NRXN3: variants seen among roughly 807,000 people sequenced by gnomAD.
The protein encoded by NRXN3 is neurexin III.
A neutral mutation model predicts 137.6 loss-of-function variants in NRXN3; 32 were observed. The ratio of observed to expected loss-of-function variants is 0.23; its 90% CI spans 0.18 to 0.31. The LOEUF (loss-of-function observed/expected upper bound fraction) is 0.31, where lower values mean the gene tolerates loss of function less well. Among genes scored for constraint, NRXN3 ranks in the 10% least tolerant of loss-of-function variants. The pLI is 1.00. For synonymous variants in NRXN3, 798 were observed against 784.5 expected (o/e 1.02, Z -0.29); for missense variants, 1,574 against 2,062.5 (o/e 0.76, Z 4.59).
chr14:79,188,212 C>T (rs11159401), intron 15 of NRXN3, among the ~76,000 whole-genome samples: 5,438 of 152,052 alleles, frequency 0.036, 235 homozygotes, highest in East Asian at 0.21. Flanking sequence ...GAGAGGAAAC[C>T]TTTATTGCAA....
chr14:79,027,214 A>G (rs914685988), intron 15 of NRXN3, among the ~76,000 whole-genome samples: 28 of 151,796 alleles, frequency 1.8e-4, no homozygotes, highest in African/African-American at 5.8e-4. Flanking sequence ...AAGGAAAAGC[A>G]ACACCCTACC....
At position 78,298,429 on chromosome 14, in the gene NRXN3, A is replaced by G. The variant is rs573353989; in HGVS notation, c.757+569A>G. Among the ~76,000 whole-genome samples the G allele has an allele frequency of 2.0e-5, 3 of 152,358 alleles. 1 individual carries two copies. Among genetic ancestry groups the G allele is most frequent in the Non-Finnish European group, 4.4e-5 (3 of 68,028 alleles). ...AAGAACATGCTAATGTCCTCATGGCAGAATACTAACTCATTATACACCCTG... is the reference window on the plus strand; with the variant it reads ...AAGAACATGCTAATGTCCTCATGGCGGAATACTAACTCATTATACACCCTG... On this transcript the variant is annotated intron_variant, in intron 4 of 20. Coordinates refer to ENST00000335750, the MANE Select transcript of NRXN3 (RefSeq NM_001330195.2).
chr14:79,709,464 C>G (rs2098794734), intron 19 of NRXN3, among the ~76,000 whole-genome samples: 1 of 152,126 alleles, frequency 6.6e-6, no homozygotes, highest in African/African-American at 2.4e-5. Context: ...CTGCATACCC[C>G]CAAGGCAGAT....
chr14:79,728,154 T>TG (rs2098903189), intron 19 of NRXN3, among the ~76,000 whole-genome samples: 1 of 152,126 alleles, frequency 6.6e-6, no homozygotes, highest in Non-Finnish European at 1.5e-5. Flanking sequence ...ACTGAGTAGG[T>TG]GTTTCCCAGA....
chr14:79,707,762 T>G (rs1020164488), intron 19 of NRXN3, among the ~76,000 whole-genome samples: 2 of 152,140 alleles, frequency 1.3e-5, no homozygotes, highest in African/African-American at 4.8e-5. Context: ...ATTTTAACAT[T>G]ATCTAGCATA....
intron 4 of NRXN3, among the ~76,000 whole-genome samples, chr14:78,337,043 T>A (rs191940): frequency 0.79 from 120,843 of 152,082 alleles, 49,637 homozygotes; most frequent in Non-Finnish European, 0.9. Context: ...CCCCTTTCTA[T>A]TTTTTTTGTA....
intron 19 of NRXN3, among the ~76,000 whole-genome samples, chr14:79,785,212 C>A (rs894197396): frequency 1.3e-5 from 2 of 152,156 alleles, no homozygotes; most frequent in African/African-American, 4.8e-5. Flanking sequence ...ATACTTGCTG[C>A]CCTTTGTATA....
intron 4 of NRXN3, among the ~76,000 whole-genome samples, chr14:78,346,321 C>T (rs533800950): frequency 6.6e-6 from 1 of 151,292 alleles, no homozygotes; most frequent in East Asian, 2.0e-4. Flanking sequence ...CTCCTAAAAT[C>T]AGGCCCCACT....
At chr14:79,479,609 A>AT (rs2096589404) in intron 16 of NRXN3, among the ~76,000 whole-genome samples, 1 of 152,132 alleles carries the variant, frequency 6.6e-6, no homozygotes, top group African/African-American at 2.4e-5. Flanking sequence ...AAGAATGATA[A>AT]ACAGGACTAG....
At chr14:78,264,625 G>A (rs561808837) in intron 2 of NRXN3, among the ~76,000 whole-genome samples, 18 of 152,248 alleles carry the variant, frequency 1.2e-4, no homozygotes, top group East Asian at 9.7e-4. Flanking sequence ...GCCCGTTCAC[G>A]TGTTCTTGTG....
chr14:79,376,193 TGGG>T (rs2094276692), intron 15 of NRXN3, among the ~76,000 whole-genome samples: 1 of 93,724 alleles, frequency 1.1e-5, no homozygotes, highest in Non-Finnish European at 2.1e-5. Flanking sequence ...TATATACATG[TGGG>T]TGTGTGTGTG....
At chr14:79,858,966 T>C (rs533975599) in intron 20 of NRXN3, among the ~76,000 whole-genome samples, 1 of 127,130 alleles carries the variant, frequency 7.9e-6, no homozygotes, top group African/African-American at 3.0e-5. Context: ...GAATTATATA[T>C]GTTCACAATG....
chr14:78,435,784 T>A (rs1272414001), intron 4 of NRXN3, among the ~76,000 whole-genome samples: 1 of 152,234 alleles, frequency 6.6e-6, no homozygotes, highest in Non-Finnish European at 1.5e-5. Flanking sequence ...TCCAGGGATT[T>A]GTGATGGACA....
intron 16 of NRXN3, among the ~76,000 whole-genome samples, chr14:79,532,316 A>G (rs1041190395): frequency 2.0e-5 from 3 of 152,200 alleles, no homozygotes; most frequent in African/African-American, 7.2e-5. Flanking sequence ...TTCATATATA[A>G]ATAGATAATT....
chr14:78,686,762 T>C (rs1196964881), intron 6 of NRXN3, among the ~76,000 whole-genome samples: 1 of 152,192 alleles, frequency 6.6e-6, no homozygotes, highest in Non-Finnish European at 1.5e-5. Flanking sequence ...CACTGAAGTC[T>C]CAGCAGAACC....
intron 15 of NRXN3, among the ~76,000 whole-genome samples, chr14:79,287,702 G>A (rs149120012): frequency 6.6e-6 from 1 of 152,174 alleles, no homozygotes; most frequent in South Asian, 2.1e-4. Flanking sequence ...TTCTTACTGA[G>A]AGACATGGTC....
At chr14:78,294,978 A>C (rs181289965) in intron 3 of NRXN3, among the ~76,000 whole-genome samples, 1 of 152,326 alleles carries the variant, frequency 6.6e-6, no homozygotes, top group East Asian at 1.9e-4. Flanking sequence ...TGGTACTTCC[A>C]TTCACTGTTG....
intron 16 of NRXN3, among the ~76,000 whole-genome samples, chr14:79,656,550 T>A (rs542952096): frequency 6.6e-6 from 1 of 152,224 alleles, no homozygotes; most frequent in East Asian, 1.9e-4. Flanking sequence ...TTGTCCTTCC[T>A]TGCTTCTCGC....
chr14:79,212,264 C>T (rs947304856), intron 15 of NRXN3, among the ~76,000 whole-genome samples: 4 of 152,186 alleles, frequency 2.6e-5, no homozygotes, highest in African/African-American at 7.2e-5. Flanking sequence ...CAATAACCAT[C>T]GAAAGGACAA....
Sources: gnomAD v4.1 joint callset for allele counts (sites outside exome capture counted in the v4.1 genomes callset) on GRCh38, gnomAD v4.1.1 for gene constraint, MANE v1.5 for transcripts, NCBI Gene and HGNC (gene_info 2026-07-23, HGNC 2026-07-21) for gene names.